The following FRAS1 variants were observed in gnomAD, a reference collection of about 807,000 sequenced individuals.
FRAS1 encodes extracellular matrix organizing protein FRAS1.
In FRAS1, 290 loss-of-function variants were observed where a neutral mutation model predicts 435.2. The ratio of observed to expected loss-of-function variants is 0.67; its 90% confidence interval spans 0.61 to 0.73. FRAS1 has a LOEUF of 0.73. Ranked by LOEUF, FRAS1 falls within the 30% of genes least tolerant of loss-of-function variation. The probability of loss-of-function intolerance (pLI) is 0.00; values close to 1 mark genes in which losing one functional copy is unlikely to be tolerated. For missense variants in FRAS1, 4,860 were observed against 5,001.5 expected (o/e 0.97, Z 0.85); for synonymous variants, 1,800 against 1,851.0 (o/e 0.97, Z 0.71).
At chr4:78,066,673 G>A (rs999733963) in intron 2 of FRAS1, among the ~76,000 whole-genome samples, 1 of 152,216 alleles carries the variant, frequency 6.6e-6, no homozygotes, top group Non-Finnish European at 1.5e-5. Context: ...AATAAATGGT[G>A]TGACAAATCA....
In FRAS1 at chr4:78,421,997, GC is replaced by G; in HGVS notation, c.4676del (p.Ala1559ValfsTer7). The G allele has an allele frequency of 6.2e-7, 1 of 1,608,736 alleles. No individual in the cohort carries two copies. The highest frequency in any genetic ancestry group is 8.5e-7 in the Non-Finnish European group (1 of 1,177,188). On this transcript the variant is annotated frameshift_variant and splice_region_variant, in exon 34 of 74. Transcript: ENST00000512123. LOFTEE classifies it high-confidence loss of function. Reference sequence around the variant, plus strand: ...CCAGGAGCTCATGGCCTTCTCGTTCGCTGGTAATGCTCTCCTCTCTGCTTTG... The same window carrying G: ...CCAGGAGCTCATGGCCTTCTCGTTCGTGGTAATGCTCTCCTCTCTGCTTTG... ...HLQELMAFSF[A>X]GLPESVKFHF...
intron 15 of FRAS1, among the ~76,000 whole-genome samples, chr4:78,308,713 T>G (rs957119867): frequency 1.4e-4 from 21 of 152,230 alleles, no homozygotes; most frequent in Admixed American, 1.3e-4. Flanking sequence ...TAACCCAGCT[T>G]AGCACTTCCT....
At chr4:78,446,405 A>C in intron 42 of FRAS1, 1 of 1,098,064 alleles carries the variant, frequency 9.1e-7, no homozygotes, top group Non-Finnish European at 1.1e-6. Flanking sequence ...ATGGTCTTTT[A>C]TCTTCAAAGT....
intron 2 of FRAS1, among the ~76,000 whole-genome samples, chr4:78,067,301 A>G (rs1740086774): frequency 6.6e-6 from 1 of 152,166 alleles, no homozygotes; most frequent in Non-Finnish European, 1.5e-5. Flanking sequence ...GAGGTAATTC[A>G]CCATTAGTGG....
chr4:78,523,568 T>C (rs1301959950), intron 69 of FRAS1, among the ~76,000 whole-genome samples: 4 of 152,340 alleles, frequency 2.6e-5, no homozygotes, highest in South Asian at 2.1e-4. Context: ...CCCCATTTTA[T>C]AGGTAATGAG....
intron 43 of FRAS1, 50 bp from the exon 44 acceptor site, chr4:78,448,003 A>G (rs1172600494): frequency 1.4e-6 from 2 of 1,462,576 alleles, no homozygotes; most frequent in Admixed American, 2.2e-5. Context: ...TGAATCATAT[A>G]TATATGTGTA....
intron 19 of FRAS1, among the ~76,000 whole-genome samples, chr4:78,335,215 T>C (rs1478790381): frequency 6.6e-6 from 1 of 152,174 alleles, no homozygotes; most frequent in African/African-American, 2.4e-5. Flanking sequence ...ACAACAATTG[T>C]TATATTTCCC....
chr4:78,143,634 G>T (rs1327911118), intron 2 of FRAS1, among the ~76,000 whole-genome samples: 1 of 151,932 alleles, frequency 6.6e-6, no homozygotes, highest in African/African-American at 2.4e-5. Context: ...AGTAGCTGAA[G>T]CCTGTGGTCC....
intron 2 of FRAS1, among the ~76,000 whole-genome samples, chr4:78,158,401 C>T (rs1720983174): frequency 6.6e-6 from 1 of 151,970 alleles, no homozygotes; most frequent in Non-Finnish European, 1.5e-5. Context: ...GATCTTTCAC[C>T]TCCTTGGTTA....
intron 18 of FRAS1, among the ~76,000 whole-genome samples, chr4:78,332,457 G>T (rs758631842): frequency 1.3e-5 from 2 of 152,142 alleles, no homozygotes; most frequent in Non-Finnish European, 2.9e-5. Flanking sequence ...TTTGCCTTTA[G>T]TCTCTTTTCA....
At chr4:78,117,037 ATCTCTCAGCATTTGTTTG>A (rs1012295740) in intron 2 of FRAS1, among the ~76,000 whole-genome samples, 11 of 152,102 alleles carry the variant, frequency 7.2e-5, no homozygotes, top group Non-Finnish European at 1.2e-4. Flanking sequence ...TGGCGACAAA[ATCTCTCAGCATTTGTTTG>A]TCTCTAAAGG....
intron 2 of FRAS1, among the ~76,000 whole-genome samples, chr4:78,216,984 T>G (rs1392900897): frequency 6.6e-6 from 1 of 152,120 alleles, no homozygotes; most frequent in African/African-American, 2.4e-5. Context: ...GAAATTTAAG[T>G]TTTTTTAGTC....
Position 78,521,479 on chromosome 4 carries a change from G to C in FRAS1, c.10541-44G>C, listed in dbSNP as rs763709297. 9.9e-6 allele frequency: 14 copies of C among 1,415,610 alleles called. No individual in the cohort carries two copies. The South Asian group carries it at 1.7e-4, about 17-fold the overall frequency. The allele number at this position is 1,415,610 out of a possible 1,614,324, so 87.7% of individuals were successfully genotyped here. A position where few individuals can be genotyped will look rare whatever the true frequency, so the allele number is the denominator to read the frequency against. The stretch of plus-strand genomic sequence containing the variant: ...CTTATATGTGGTTGCTGTCAGGGAG[G>C]AATTTTCCATGCCCTAGCATTTTCT... On this transcript the variant is annotated intron_variant, in intron 67 of 73. Coordinates refer to ENST00000512123, the MANE Select transcript of FRAS1 (RefSeq NM_025074.7).
intron 50 of FRAS1, among the ~76,000 whole-genome samples, chr4:78,469,397 C>T (rs1476613464): frequency 6.6e-6 from 1 of 152,072 alleles, no homozygotes; most frequent in East Asian, 1.9e-4. Flanking sequence ...TCGCTATTAC[C>T]ACAAATGCTT....
At chr4:78,403,483 A>G (rs1385623957) in intron 30 of FRAS1, among the ~76,000 whole-genome samples, 1 of 152,198 alleles carries the variant, frequency 6.6e-6, no homozygotes, top group Non-Finnish European at 1.5e-5. Context: ...CTAAAAGTCC[A>G]CTTAGCACAA....
intron 32 of FRAS1, among the ~76,000 whole-genome samples, chr4:78,413,372 G>A (rs553857516): frequency 2.6e-5 from 4 of 152,312 alleles, no homozygotes; most frequent in African/African-American, 9.6e-5. Flanking sequence ...AAAATTTGGA[G>A]GAAATTTCAG....
In FRAS1 at chr4:78,475,483, G is replaced by T. The variant is rs780476606; in HGVS notation, c.7728G>T (p.Gln2576His). The change falls in exon 54 of 74, where the codon CAG becomes CAT. Residue 2576 changes from glutamine (Q) to histidine (H), a missense_variant. By Grantham distance (24) the Gln-to-His change is conservative. Coordinates refer to ENST00000512123, the MANE Select transcript of FRAS1 (RefSeq NM_025074.7). ...CAGGGTCTGTCAGTGTCACGGTGCA[G>T]AGGACTGGGAACCTGAACCAATATG... Reference protein sequence around the residue: ...EKAGSVSVTVQRTGNLNQYAI... With the variant: ...EKAGSVSVTVHRTGNLNQYAI... The T allele has an allele frequency of 3.1e-6, 5 of 1,613,844 alleles. No individual in the cohort carries two copies. The African/African-American group carries it at 6.7e-5, about 22-fold the overall frequency.
At chr4:78,480,686 G>A (rs1043755836) in intron 56 of FRAS1, among the ~76,000 whole-genome samples, 1 of 152,200 alleles carries the variant, frequency 6.6e-6, no homozygotes, top group Non-Finnish European at 1.5e-5. Context: ...TGGTATTTCA[G>A]AGACTCAGGC....
At chr4:78,440,687 A>G (rs1328844718) in intron 40 of FRAS1, among the ~76,000 whole-genome samples, 2 of 152,228 alleles carry the variant, frequency 1.3e-5, no homozygotes, top group Non-Finnish European at 2.9e-5. Flanking sequence ...CTTGCTACAC[A>G]CCTATAAATA....
Sources: allele counts gnomAD v4.1 joint callset (sites outside exome capture counted in the v4.1 genomes callset), GRCh38; gene constraint gnomAD v4.1.1; transcripts MANE v1.5; gene names NCBI Gene and HGNC (gene_info 2026-07-23, HGNC 2026-07-21).